The following CRB1 variants were observed in gnomAD, a reference collection of about 807,000 sequenced individuals.
CRB1 encodes the protein crumbs cell polarity complex component 1, also known as protein crumbs homolog 1.
CRB1 carries 83 observed loss-of-function variants against 120.0 expected under a neutral mutation model. That is an observed-to-expected ratio of 0.69 (90% CI 0.58 to 0.83). The LOEUF (loss-of-function observed/expected upper bound fraction) is 0.83, where lower values mean the gene tolerates loss of function less well. CRB1 is among the 40% of genes least tolerant of loss of function. CRB1 has a pLI of 0.00. For synonymous variants in CRB1, 625 were observed against 612.5 expected (o/e 1.02, Z -0.30); for missense variants, 1,699 against 1,687.6 (o/e 1.01, Z -0.12).
At chr1:197,455,146 G>A (rs1224304525) in intron 11 of CRB1, among the ~76,000 whole-genome samples, 1 of 151,966 alleles carries the variant, frequency 6.6e-6, no homozygotes, top group Non-Finnish European at 1.5e-5. Flanking sequence ...ATACTGTTCT[G>A]GGCAAACTAG....
At chr1:197,356,746 G>A (rs1660496955) in intron 4 of CRB1, 85 bp from the exon 5 acceptor site, 2 of 1,335,778 alleles carry the variant, frequency 1.5e-6, no homozygotes, top group Admixed American at 1.8e-5. Flanking sequence ...ATCAATGCCA[G>A]TATAGCAGTC....
intron 5 of CRB1, among the ~76,000 whole-genome samples, chr1:197,369,508 G>T (rs1335585964): frequency 6.6e-6 from 1 of 151,980 alleles, no homozygotes; most frequent in African/African-American, 2.4e-5. Context: ...TCTCAAAAGA[G>T]GTTTTATTAT....
chr1:197,337,476 A>G (rs1659221701), intron 2 of CRB1, among the ~76,000 whole-genome samples: 1 of 152,206 alleles, frequency 6.6e-6, no homozygotes, highest in African/African-American at 2.4e-5. Flanking sequence ...TCCTCATTCA[A>G]AGATTGGCAT....
At chr1:197,446,023 A>G (rs746215233) in intron 11 of CRB1, among the ~76,000 whole-genome samples, 80 of 152,068 alleles carry the variant, frequency 5.3e-4, no homozygotes, top group South Asian at 1.0e-3. Flanking sequence ...AACCTTGTCT[A>G]TACTAAAAAT....
chr1:197,268,997 T>G (rs1654757250), intron 1 of CRB1, among the ~76,000 whole-genome samples: 1 of 152,172 alleles, frequency 6.6e-6, no homozygotes, highest in African/African-American at 2.4e-5. Context: ...ACCAGAGAAA[T>G]GGGCTTTTAC....
At chr1:197,331,824 T>A (rs1311143138) in intron 2 of CRB1, among the ~76,000 whole-genome samples, 2 of 152,176 alleles carry the variant, frequency 1.3e-5, no homozygotes, top group African/African-American at 2.4e-5. Flanking sequence ...TTTTTAAATA[T>A]CTTAATTAAA....
chr1:197,342,111 C>T (rs2786105), intron 2 of CRB1, among the ~76,000 whole-genome samples: 108,470 of 152,192 alleles, frequency 0.71, 39,343 homozygotes, highest in African/African-American at 0.76. Flanking sequence ...TTTTGGAATT[C>T]TGTGAGCTTC....
intron 5 of CRB1, among the ~76,000 whole-genome samples, chr1:197,376,473 G>A (rs1207269105): frequency 6.6e-6 from 1 of 152,120 alleles, no homozygotes; most frequent in Non-Finnish European, 1.5e-5. Flanking sequence ...CCCCATCTCA[G>A]TAAGTGGTAA....
intron 1 of CRB1, among the ~76,000 whole-genome samples, chr1:197,284,116 A>C (rs1379546856): frequency 2.0e-5 from 3 of 151,914 alleles, no homozygotes; most frequent in African/African-American, 7.2e-5. Flanking sequence ...ATTAAATGAA[A>C]AATGAATGTG....
At chr1:197,477,268 G>T (rs771370518) in intron 11 of CRB1, among the ~76,000 whole-genome samples, 1 of 152,082 alleles carries the variant, frequency 6.6e-6, no homozygotes, top group Non-Finnish European at 1.5e-5. Context: ...CATTTCTTCA[G>T]TCCCAAATTA....
intron 5 of CRB1, among the ~76,000 whole-genome samples, chr1:197,396,910 A>T (rs971054677): frequency 1.1e-4 from 17 of 152,122 alleles, no homozygotes; most frequent in Admixed American, 1.1e-3. Flanking sequence ...AATTATACCT[A>T]AAAAAGTACA....
intron 1 of CRB1, among the ~76,000 whole-genome samples, chr1:197,302,501 A>T (rs1656926511): frequency 6.6e-6 from 1 of 152,156 alleles, no homozygotes; most frequent in Non-Finnish European, 1.5e-5. Flanking sequence ...TCTTAGGGAT[A>T]AATAAAAAGT....
At chr1:197,462,375 A>G (rs995801970) in intron 11 of CRB1, among the ~76,000 whole-genome samples, 6 of 152,204 alleles carry the variant, frequency 3.9e-5, no homozygotes, top group African/African-American at 7.2e-5. Context: ...ACATTAATCT[A>G]TAAGGAAATA....
At chr1:197,265,239 T>G (rs1397965140), upstream of CRB1, among the ~76,000 whole-genome samples, 1 of 152,172 alleles carries the variant, frequency 6.6e-6, no homozygotes, top group African/African-American at 2.4e-5. Flanking sequence ...TTGATTTCCC[T>G]GTTTCTGAAC....
chr1:197,308,934 A>C (rs1285641234), intron 1 of CRB1, among the ~76,000 whole-genome samples: 1 of 151,266 alleles, frequency 6.6e-6, no homozygotes, highest in Non-Finnish European at 1.5e-5. Context: ...GTATATATAC[A>C]TATATGTGGG....
the CRB1 span, among the ~76,000 whole-genome samples, chr1:197,240,575 C>T: frequency 6.6e-6 from 1 of 152,142 alleles, no homozygotes; most frequent in Non-Finnish European, 1.5e-5. Flanking sequence ...GCATGGTATT[C>T]CATGGTGTAT....
At chr1:197,252,568 ATATATATATATATATGTG>A in the CRB1 span, among the ~76,000 whole-genome samples, 20 of 46,896 alleles carry the variant, frequency 4.3e-4, no homozygotes, top group African/African-American at 1.0e-3. Context: ...ATATATATAT[ATATATATATATATATGTG>A]TGTGTGTGTG....
At chr1:197,360,726 G>T (rs984147171) in intron 5 of CRB1, among the ~76,000 whole-genome samples, 4 of 152,202 alleles carry the variant, frequency 2.6e-5, no homozygotes, top group African/African-American at 7.2e-5. Context: ...CCAGGGCATT[G>T]TCTGCATGGA....
chr1:197,261,575 C>T, the CRB1 span, among the ~76,000 whole-genome samples: 50 of 152,244 alleles, frequency 3.3e-4, no homozygotes, highest in South Asian at 9.7e-3. Context: ...ATCTATCAAT[C>T]ATTTATGTAT....
Sources: allele counts gnomAD v4.1 joint callset (sites outside exome capture counted in the v4.1 genomes callset), GRCh38; gene constraint gnomAD v4.1.1; transcripts MANE v1.5; gene names NCBI Gene and HGNC (gene_info 2026-07-23, HGNC 2026-07-21).